CACNG2: variants seen among roughly 807,000 people sequenced by gnomAD.
The protein encoded by CACNG2 is calcium voltage-gated channel auxiliary subunit gamma 2, also known as voltage-dependent calcium channel gamma-2 subunit.
CACNG2 carries 3 observed loss-of-function variants against 25.9 expected under a neutral mutation model. That is an observed-to-expected ratio of 0.12 (90% CI 0.05 to 0.30). The LOEUF (loss-of-function observed/expected upper bound fraction) is 0.30, where lower values mean the gene tolerates loss of function less well. CACNG2 is among the 10% of genes least tolerant of loss of function. CACNG2 has a pLI of 1.00. For synonymous variants in CACNG2, 167 were observed against 173.3 expected (o/e 0.96, Z 0.29); for missense variants, 341 against 432.5 (o/e 0.79, Z 1.88).
intron 1 of CACNG2, among the ~76,000 whole-genome samples, chr22:36,610,032 C>T (rs1386017077): frequency 6.7e-6 from 1 of 149,556 alleles, no homozygotes; most frequent in Admixed American, 6.7e-5. Flanking sequence ...GAGAGCCTCC[C>T]GGAGCACGGT....
chr22:36,587,802 G>A (rs1487636944), intron 1 of CACNG2, among the ~76,000 whole-genome samples: 1 of 152,260 alleles, frequency 6.6e-6, no homozygotes, highest in South Asian at 2.1e-4. Context: ...TGAAGCTTCT[G>A]AGGATTAGCG....
At chr22:36,677,737 C>T (rs549571470) in intron 1 of CACNG2, among the ~76,000 whole-genome samples, 13 of 152,056 alleles carry the variant, frequency 8.5e-5, no homozygotes, top group Middle Eastern at 3.4e-3. Flanking sequence ...TGTGTTGAGC[C>T]TGTGGTGCCG....
At chr22:36,577,466 A>G (rs1163677388) in intron 2 of CACNG2, among the ~76,000 whole-genome samples, 2 of 152,136 alleles carry the variant, frequency 1.3e-5, no homozygotes, top group East Asian at 3.9e-4. Context: ...CCTGGCCAAC[A>G]TGGTGAAACC....
At chr22:36,580,381 A>C (rs1935394229) in intron 2 of CACNG2, among the ~76,000 whole-genome samples, 1 of 152,094 alleles carries the variant, frequency 6.6e-6, no homozygotes, top group Non-Finnish European at 1.5e-5. Context: ...GTGGTCAGTG[A>C]ATCCCTGGGG....
chr22:36,643,133 T>G (rs544231923), intron 1 of CACNG2, among the ~76,000 whole-genome samples: 19 of 150,946 alleles, frequency 1.3e-4, no homozygotes, highest in Non-Finnish European at 2.4e-4. Flanking sequence ...TTTCTCTTTC[T>G]CTCTCTCTCC....
chr22:36,562,075 G>A lies in CACNG2; in HGVS notation c.*2276C>T, dbSNP rs1307264008. On this transcript the variant is annotated 3_prime_UTR_variant, in exon 4 of 4. Transcript: ENST00000300105. The stretch of plus-strand genomic sequence containing the variant: ...GGGACACAAAGTGAAGAAGGGCTTT[G>A]GGGACCCCTGCGTCTTTCCCCTCTT... 6.6e-6 allele frequency: 1 copy of A among 152,328 alleles called. No individual in the cohort carries two copies. The highest frequency in any genetic ancestry group is 1.9e-4 in the East Asian group (1 of 5,188). The allele number at this position is 152,328 out of a possible 1,614,324, so 9.4% of individuals were successfully genotyped here.
chr22:36,614,077 C>T (rs1413746413), intron 1 of CACNG2, among the ~76,000 whole-genome samples: 1 of 152,170 alleles, frequency 6.6e-6, no homozygotes. Context: ...AAGGTGAAAT[C>T]GGAGCTGCCT....
chr22:36,687,222 C>G (rs1026969148), intron 1 of CACNG2, among the ~76,000 whole-genome samples: 1 of 152,220 alleles, frequency 6.6e-6, no homozygotes, highest in Non-Finnish European at 1.5e-5. Flanking sequence ...GTTTGTGGAG[C>G]CTCCAGGCCA....
intron 1 of CACNG2, among the ~76,000 whole-genome samples, chr22:36,588,857 T>C (rs1300454986): frequency 1.3e-5 from 2 of 152,164 alleles, no homozygotes; most frequent in East Asian, 3.8e-4. Context: ...ACCTAATTAA[T>C]ACAGCCCTCA....
At chr22:36,621,321 T>C (rs2283995) in intron 1 of CACNG2, among the ~76,000 whole-genome samples, 27,850 of 152,096 alleles carry the variant, frequency 0.18, 3,577 homozygotes, top group African/African-American at 0.36. Context: ...CAGCCTGGCT[T>C]ACATGGCAAA....
chr22:36,619,932 G>A (rs567187955), intron 1 of CACNG2, among the ~76,000 whole-genome samples: 21 of 152,346 alleles, frequency 1.4e-4, no homozygotes, highest in Admixed American at 2.6e-4. Flanking sequence ...CTGTCACTTG[G>A]GGTCATCGCT....
chr22:36,667,222 G>A (rs1332241620), intron 1 of CACNG2, among the ~76,000 whole-genome samples: 1 of 152,112 alleles, frequency 6.6e-6, no homozygotes, highest in Non-Finnish European at 1.5e-5. Flanking sequence ...CAAAGTGCTG[G>A]GATTACAGGC....
chr22:36,689,200 C>A (rs1937239101), intron 1 of CACNG2, among the ~76,000 whole-genome samples: 3 of 152,128 alleles, frequency 2.0e-5, no homozygotes, highest in Admixed American at 2.0e-4. Flanking sequence ...GCTTTGGTCT[C>A]CTTCAGAGCA....
chr22:36,655,479 T>C (rs1023232849), intron 1 of CACNG2, among the ~76,000 whole-genome samples: 4 of 152,200 alleles, frequency 2.6e-5, no homozygotes, highest in African/African-American at 9.7e-5. Context: ...GTTTACATGT[T>C]TGTGTCCCTT....
intron 2 of CACNG2, among the ~76,000 whole-genome samples, chr22:36,571,414 G>T (rs1252030325): frequency 1.3e-5 from 2 of 150,180 alleles, no homozygotes; most frequent in African/African-American, 4.9e-5. Context: ...CTGAGATTTC[G>T]CCACTGCACT....
At chr22:36,595,241 TG>T (rs1569024034) in intron 1 of CACNG2, among the ~76,000 whole-genome samples, 1 of 152,048 alleles carries the variant, frequency 6.6e-6, no homozygotes, top group East Asian at 1.9e-4. Flanking sequence ...ACACTGTCCC[TG>T]GGGGTGGGAG....
chr22:36,639,582 ACTC>A (rs754638457), intron 1 of CACNG2, among the ~76,000 whole-genome samples: 12 of 151,272 alleles, frequency 7.9e-5, no homozygotes, highest in Admixed American at 2.0e-4. Flanking sequence ...TCCTCTGTCC[ACTC>A]CTCCTCCCTG....
rs1249742695 is a variant in CACNG2, at chr22:36,563,606, G to C, written c.*745C>G. On this transcript the variant is annotated 3_prime_UTR_variant, in exon 4 of 4. Transcript: ENST00000300105. ...CCCCCTCCAGGCACCCTAACGGAGA[G>C]GAGGGACAAGGGCTCGGTCACCTGG... 6.6e-6 allele frequency among the ~76,000 whole-genome samples: 1 copy of C among 152,116 alleles called. No individual in the cohort carries two copies. Among genetic ancestry groups the C allele is most frequent in the Non-Finnish European group, 1.5e-5 (1 of 67,994 alleles).
intron 1 of CACNG2, among the ~76,000 whole-genome samples, chr22:36,692,720 C>G (rs1049686759): frequency 5.9e-5 from 9 of 152,176 alleles, no homozygotes; most frequent in Admixed American, 2.0e-4. Flanking sequence ...TTTCTTAGTG[C>G]CAGAAATTAG....
Sources: allele counts gnomAD v4.1 joint callset (sites outside exome capture counted in the v4.1 genomes callset), GRCh38; gene constraint gnomAD v4.1.1; transcripts MANE v1.5; gene names NCBI Gene and HGNC (gene_info 2026-07-23, HGNC 2026-07-21).